The following MCTP2 variants were observed in gnomAD, a reference collection of about 807,000 sequenced individuals.
The protein encoded by MCTP2 is multiple C2 and transmembrane domain containing 2.
A neutral mutation model predicts 111.6 loss-of-function variants in MCTP2; 132 were observed. That is an observed-to-expected ratio of 1.18 (90% CI 1.03 to 1.37). MCTP2 has a LOEUF of 1.37. MCTP2 is among the 40% of genes most tolerant of loss of function. The probability of loss-of-function intolerance (pLI) is 0.00; values close to 1 mark genes in which losing one functional copy is unlikely to be tolerated. For missense variants in MCTP2, 1,183 were observed against 1,067.9 expected (o/e 1.11, Z -1.50); for synonymous variants, 395 against 387.7 (o/e 1.02, Z -0.22).
At chr15:94,385,091 AT>A (rs2080380698) in intron 13 of MCTP2, among the ~76,000 whole-genome samples, 1 of 152,190 alleles carries the variant, frequency 6.6e-6, no homozygotes, top group African/African-American at 2.4e-5. Context: ...CTTTTTAAAA[AT>A]TACTTTGGTT....
At chr15:94,448,499 A>G (rs1467427469) in intron 19 of MCTP2, among the ~76,000 whole-genome samples, 2 of 152,212 alleles carry the variant, frequency 1.3e-5, no homozygotes, top group Non-Finnish European at 2.9e-5. Context: ...GAAATCCAAA[A>G]TGCCCCAGAA....
chr15:94,337,691 G>GCA (rs1567459599), intron 4 of MCTP2, among the ~76,000 whole-genome samples: 1 of 152,082 alleles, frequency 6.6e-6, no homozygotes, highest in Non-Finnish European at 1.5e-5. Context: ...GTGTGCGCGC[G>GCA]CATGCACGCG....
intron 1 of MCTP2, among the ~76,000 whole-genome samples, chr15:94,289,545 T>G (rs1052507135): frequency 6.6e-6 from 1 of 152,162 alleles, no homozygotes; most frequent in African/African-American, 2.4e-5. Flanking sequence ...AAGTGAAAAA[T>G]ACAATAGCCT....
At chr15:94,411,194 T>C (rs2082135787) in intron 17 of MCTP2, among the ~76,000 whole-genome samples, 1 of 152,138 alleles carries the variant, frequency 6.6e-6, no homozygotes. Context: ...ACCTGGTGTG[T>C]GTGAAAACAG....
At chr15:94,459,415 A>G (rs191618356) in intron 20 of MCTP2, among the ~76,000 whole-genome samples, 1 of 152,300 alleles carries the variant, frequency 6.6e-6, no homozygotes, top group East Asian at 1.9e-4. Context: ...ACAGCCAATG[A>G]CATTGCCCTC....
At chr15:94,374,878 G>C (rs1158158253) in intron 12 of MCTP2, among the ~76,000 whole-genome samples, 1 of 152,164 alleles carries the variant, frequency 6.6e-6, no homozygotes, top group Non-Finnish European at 1.5e-5. Context: ...CTCGGTGGGG[G>C]AGGATATGAA....
At chr15:94,335,027 A>G (rs2077291140) in intron 4 of MCTP2, among the ~76,000 whole-genome samples, 1 of 152,188 alleles carries the variant, frequency 6.6e-6, no homozygotes, top group South Asian at 2.1e-4. Context: ...GGACTTTCCG[A>G]AACCTTGAGT....
intron 10 of MCTP2, among the ~76,000 whole-genome samples, chr15:94,365,894 T>C (rs965223815): frequency 1.3e-5 from 2 of 152,204 alleles, no homozygotes; most frequent in African/African-American, 4.8e-5. Flanking sequence ...AGAAAACTTC[T>C]ACAAATTTGG....
In MCTP2 at chr15:94,315,583, C is replaced by T. The variant is rs1448865485; in HGVS notation, c.583C>T (p.Leu195Phe). The T allele has an allele frequency of 3.7e-6, 6 of 1,614,024 alleles. No individual in the cohort carries two copies. The highest frequency in any genetic ancestry group is 1.3e-5 in the African/African-American group (1 of 74,918). The change falls in exon 4 of 23, where the codon CTC becomes TTC. Residue 195 changes from leucine to phenylalanine, a missense_variant. By Grantham distance (22) the Leu-to-Phe change is conservative. Coordinates refer to ENST00000357742, the MANE Select transcript of MCTP2 (RefSeq NM_001385001.1). ...TAACCTCCCCAGCCCTTTTGCGTAC[C>T]TCCTCACCATACACCTGAAGGAAGG... ...LSNLPSPFAYLLTIHLKEGRN... is the reference protein window; with the variant it reads ...LSNLPSPFAYFLTIHLKEGRN...
intron 20 of MCTP2, among the ~76,000 whole-genome samples, chr15:94,466,916 G>A (rs1567772362): frequency 6.7e-6 from 1 of 149,736 alleles, no homozygotes; most frequent in East Asian, 1.9e-4. Context: ...AAAGTAATTT[G>A]ATTTATTTTT....
chr15:94,402,953 C>T, intron 17 of MCTP2: 1 of 1,029,166 alleles, frequency 9.7e-7, no homozygotes, highest in Non-Finnish European at 1.2e-6. Context: ...GCTGAATGTT[C>T]TCTCTTAGCC....
At chr15:94,317,298 G>T (rs531706923) in intron 4 of MCTP2, among the ~76,000 whole-genome samples, 61 of 152,192 alleles carry the variant, frequency 4.0e-4, no homozygotes, top group African/African-American at 1.5e-3. Context: ...CCCATCTGTG[G>T]ATGTTATTTT....
intron 19 of MCTP2, among the ~76,000 whole-genome samples, chr15:94,444,007 C>T (rs796640215): frequency 8.4e-4 from 43 of 50,956 alleles, no homozygotes; most frequent in African/African-American, 2.7e-3. Context: ...AAAAAAAAAA[C>T]AGAAGTATTA....
In MCTP2 at chr15:94,325,812, ATTTTTTTTT is replaced by A. The variant is rs557989149; in HGVS notation, c.637+10193_637+10201del. On this transcript the variant is annotated intron_variant, in intron 4 of 22. Coordinates refer to ENST00000357742, the MANE Select transcript of MCTP2 (RefSeq NM_001385001.1). ...GAACCTACTCTACTCCATCGCTCCG[ATTTTTTTTT>A]TTTTTTTTTTTTTTTTTGAGACGGA... Among the ~76,000 whole-genome samples, 24 of 91,880 alleles carry A rather than the reference ATTTTTTTTT, an allele frequency of 2.6e-4. 1 individual carries two copies. The highest frequency in any genetic ancestry group is 1.6e-3 in the Admixed American group (14 of 8,982). 60.3% of individuals were successfully genotyped at this position (91,880 alleles called of 152,430 possible). A position where few individuals can be genotyped will look rare whatever the true frequency, so the allele number is the denominator to read the frequency against.
In MCTP2 at chr15:94,350,852, G is replaced by A. The variant is rs1192024242; in HGVS notation, c.1006-5285G>A. ...AAAGAAAATCTTGTTGAATCACATGGCCCTTGTTGTTGTGTTGTTTTATCT... is the reference window on the plus strand; with the variant it reads ...AAAGAAAATCTTGTTGAATCACATGACCCTTGTTGTTGTGTTGTTTTATCT... On this transcript the variant is annotated intron_variant, in intron 8 of 22. Coordinates refer to ENST00000357742, the MANE Select transcript of MCTP2 (RefSeq NM_001385001.1). Among the ~76,000 whole-genome samples, 5 of 152,102 alleles carry A rather than the reference G, an allele frequency of 3.3e-5. No individual in the cohort carries two copies. The East Asian group carries it at 9.6e-4, about 29-fold the overall frequency.
chr15:94,460,286 A>C (rs2085104940), intron 20 of MCTP2, among the ~76,000 whole-genome samples: 1 of 152,232 alleles, frequency 6.6e-6, no homozygotes, highest in African/African-American at 2.4e-5. Context: ...ATAGCTGGGC[A>C]AAGAATTGAT....
At chr15:94,314,947 A>G (rs773237509) in intron 3 of MCTP2, 1 of 354,862 alleles carries the variant, frequency 2.8e-6, no homozygotes, top group African/African-American at 2.1e-5. Context: ...CCGGGAGAGC[A>G]CTGGACAGAG....
chr15:94,459,872 A>G (rs2085076996), intron 20 of MCTP2, among the ~76,000 whole-genome samples: 1 of 152,190 alleles, frequency 6.6e-6, no homozygotes, highest in Non-Finnish European at 1.5e-5. Context: ...CTTTAAACAC[A>G]CTAGCTCCTT....
chr15:94,276,541 C>G (rs1439338739), intron 1 of MCTP2, among the ~76,000 whole-genome samples: 2 of 151,592 alleles, frequency 1.3e-5, no homozygotes, highest in African/African-American at 4.9e-5. Context: ...ATGACTCAAC[C>G]TAAACAAAGA....
Sources: allele counts gnomAD v4.1 joint callset (sites outside exome capture counted in the v4.1 genomes callset), GRCh38; gene constraint gnomAD v4.1.1; transcripts MANE v1.5; gene names NCBI Gene and HGNC (gene_info 2026-07-23, HGNC 2026-07-21).